The following PRRC2B variants were observed in gnomAD, a reference collection of about 807,000 sequenced individuals.
The protein encoded by PRRC2B is protein PRRC2B.
In PRRC2B, 68 loss-of-function variants were observed where a neutral mutation model predicts 242.3. That is an observed-to-expected ratio of 0.28 (90% CI 0.23 to 0.34). The LOEUF (loss-of-function observed/expected upper bound fraction) is 0.34. Ranked by LOEUF, PRRC2B falls within the 10% of genes least tolerant of loss-of-function variation. The probability of loss-of-function intolerance (pLI) is 1.00; values close to 1 mark genes in which losing one functional copy is unlikely to be tolerated. For missense variants in PRRC2B, 2,835 were observed against 2,954.8 expected (o/e 0.96, Z 0.94); for synonymous variants, 1,228 against 1,173.6 (o/e 1.05, Z -0.95).
chr9:131,447,819 A>G lies in PRRC2B; in HGVS notation c.1120+15A>G. ...TGGCTGGGCAGGTGGGCAGAGAAGC[A>G]CGGGTGGTTTAGACGGGCAGGACCA... On this transcript the variant is annotated intron_variant, in intron 9 of 31. Coordinates refer to ENST00000683519, the MANE Select transcript of PRRC2B (RefSeq NM_013318.4). The G allele has an allele frequency of 6.2e-7, 1 of 1,607,520 alleles. No homozygotes were observed. Among genetic ancestry groups the G allele is most frequent in the Non-Finnish European group, 8.5e-7 (1 of 1,175,748 alleles).
chr9:131,411,825 C>CT (rs1588240346), intron 1 of PRRC2B, among the ~76,000 whole-genome samples: 1 of 151,150 alleles, frequency 6.6e-6, no homozygotes, highest in African/African-American at 2.4e-5. Context: ...TTTTTCTTTT[C>CT]TTTTTTCAGA....
At chr9:131,405,580 A>G (rs943875376) in intron 1 of PRRC2B, among the ~76,000 whole-genome samples, 1 of 152,102 alleles carries the variant, frequency 6.6e-6, no homozygotes, top group African/African-American at 2.4e-5. Flanking sequence ...TTCTTCCAGG[A>G]GATCACACCA....
chr9:131,494,642 G>A lies in PRRC2B; in HGVS notation c.6555+156G>A, dbSNP rs376219463. Among the ~76,000 whole-genome samples the A allele has an allele frequency of 1.1e-4, 17 of 152,228 alleles. No individual in the cohort carries two copies. The highest frequency in any genetic ancestry group is 5.8e-4 in the East Asian group (3 of 5,194). The stretch of plus-strand genomic sequence containing the variant: ...CACAGAACCGGGAGCTGGGCCGCCC[G>A]CGTCCCTCCTGGCGAAGGCATTTCT... On this transcript the variant is annotated intron_variant, in intron 31 of 31. Transcript: ENST00000683519. The surrounding 1 kb of genome is among the most constrained non-coding windows in gnomAD (Gnocchi z 4.3).
At chr9:131,467,394 C>T (rs987666716) in intron 12 of PRRC2B, among the ~76,000 whole-genome samples, 169 bp from the exon 13 acceptor site, 4 of 152,118 alleles carry the variant, frequency 2.6e-5, no homozygotes, top group African/African-American at 9.7e-5. Context: ...GTGGGGAGTC[C>T]CTGAGCTTGT....
upstream of PRRC2B, among the ~76,000 whole-genome samples, chr9:131,392,328 A>T (rs1314873739): frequency 6.6e-6 from 1 of 150,880 alleles, no homozygotes; most frequent in African/African-American, 2.4e-5. Context: ...TGAACTCCTG[A>T]CCGCATGATC....
chr9:131,476,320 C>A lies in PRRC2B; in HGVS notation c.4191C>A (p.Pro1397=). The A allele has an allele frequency of 6.3e-7, 1 of 1,580,180 alleles. No individual in the cohort carries two copies. Among genetic ancestry groups the A allele is most frequent in the Non-Finnish European group, 8.6e-7 (1 of 1,163,530 alleles). The change falls in exon 16 of 32, where the codon CCC becomes CCA. Residue 1397 remains proline, a synonymous_variant. Coordinates refer to ENST00000683519, the MANE Select transcript of PRRC2B (RefSeq NM_013318.4). ...GGCGGGAAGGCCCTGGGTCCGAGCC[C>A]GACTCCCAGGTGGATGGTGGCCTGT... ...RERREGPGSE[P]DSQVDGGLSG...
At chr9:131,420,551 G>A (rs994055202) in intron 1 of PRRC2B, among the ~76,000 whole-genome samples, 1 of 128,374 alleles carries the variant, frequency 7.8e-6, no homozygotes, top group African/African-American at 2.9e-5. Context: ...GGAGTGCAGT[G>A]CATGATCTCG....
intron 5 of PRRC2B, among the ~76,000 whole-genome samples, chr9:131,440,376 T>C (rs1049155023): frequency 6.6e-6 from 1 of 152,152 alleles, no homozygotes; most frequent in Non-Finnish European, 1.5e-5. Flanking sequence ...AGTGGCACAA[T>C]AGCTCACTGC....
intron 1 of PRRC2B, among the ~76,000 whole-genome samples, chr9:131,398,939 C>G (rs535867073): frequency 7.2e-5 from 11 of 152,200 alleles, no homozygotes; most frequent in African/African-American, 9.6e-5. Flanking sequence ...GATCATGCCA[C>G]TGCACTCTAG....
In PRRC2B at chr9:131,494,540, A is replaced by T; in HGVS notation, c.6555+54A>T. On this transcript the variant is annotated intron_variant, in intron 31 of 31. Coordinates refer to ENST00000683519, the MANE Select transcript of PRRC2B (RefSeq NM_013318.4). This position sits in a 1 kb window ranked among gnomAD's most constrained non-coding sequence, Gnocchi z 4.3. ...CCCTGGACACTTAGGCCCGTCTCCA[A>T]GCGCCAAAAGAGAAGGGACTGTCCA... 1 of 987,772 alleles carries T rather than the reference A, an allele frequency of 1.0e-6. No individual in the cohort carries two copies. Among genetic ancestry groups the T allele is most frequent in the Non-Finnish European group, 1.6e-6 (1 of 644,622 alleles). The allele number at this position is 987,772 out of a possible 1,614,324, so 61.2% of individuals were successfully genotyped here. A position where few individuals can be genotyped will look rare whatever the true frequency, so the allele number is the denominator to read the frequency against.
In PRRC2B at chr9:131,479,711, C is replaced by T. The variant is rs545749388; in HGVS notation, c.4900+318C>T. Among the ~76,000 whole-genome samples, 333 of 152,248 alleles carry T rather than the reference C, an allele frequency of 2.2e-3. 3 individuals carry two copies. Among genetic ancestry groups the T allele is most frequent in the Non-Finnish European group, 3.4e-3 (231 of 68,012 alleles). ...AGTGGGAATGGCCTTCTTTGTTGGTCGTCGTTTTCTCCCACTAACTTATGG... is the reference window on the plus strand; with the variant it reads ...AGTGGGAATGGCCTTCTTTGTTGGTTGTCGTTTTCTCCCACTAACTTATGG... On this transcript the variant is annotated intron_variant, in intron 19 of 31. Transcript: ENST00000683519.
Position 131,492,367 on chromosome 9 carries a change from G to A in PRRC2B, c.6473+107G>A, listed in dbSNP as rs147338490. The A allele has an allele frequency of 5.5e-3, 4,576 of 829,712 alleles. 60 individuals carry two copies. The highest frequency in any genetic ancestry group is 0.038 in the African/African-American group (2,287 of 59,644). 51.4% of individuals were successfully genotyped at this position (829,712 alleles called of 1,614,324 possible). On this transcript the variant is annotated intron_variant, in intron 30 of 31. Coordinates refer to ENST00000683519, the MANE Select transcript of PRRC2B (RefSeq NM_013318.4). The stretch of plus-strand genomic sequence containing the variant: ...GCCCAGGGAGAGCCGCCAGAGACCT[G>A]GTCCCTCTATGGGCCATGTGTCACT...
chr9:131,454,639 C>CTT (rs61514427), intron 9 of PRRC2B, among the ~76,000 whole-genome samples: 2 of 143,060 alleles, frequency 1.4e-5, no homozygotes, highest in African/African-American at 2.5e-5. Flanking sequence ...TTTTCTTTTT[C>CTT]TTTTTTTTTT....
intron 9 of PRRC2B, 136 bp from the exon 10 acceptor site, chr9:131,454,940 T>C (rs1943029539): frequency 3.2e-6 from 2 of 633,896 alleles, no homozygotes; most frequent in African/African-American, 3.9e-5. Flanking sequence ...GTCAGTCTGG[T>C]CTCAAACTCC....
chr9:131,481,335 A>AAAAAG (rs1564299174), intron 19 of PRRC2B, among the ~76,000 whole-genome samples: 2 of 149,512 alleles, frequency 1.3e-5, no homozygotes, highest in African/African-American at 4.9e-5. Context: ...AAAAAAAAGA[A>AAAAAG]AGATATATTT....
intron 1 of PRRC2B, among the ~76,000 whole-genome samples, chr9:131,397,073 C>A (rs1837081068): frequency 6.6e-6 from 1 of 152,224 alleles, no homozygotes; most frequent in Non-Finnish European, 1.5e-5. Context: ...AGGGTCCTGT[C>A]ATCCTTTGAT....
At position 131,465,061 on chromosome 9, in the gene PRRC2B, G is replaced by C; in HGVS notation, c.1703G>C (p.Gly568Ala). 6.2e-7 allele frequency: 1 copy of C among 1,613,264 alleles called. No individual in the cohort carries two copies. The highest frequency in any genetic ancestry group is 8.5e-7 in the Non-Finnish European group (1 of 1,179,380). Reference sequence around the variant, plus strand: ...GAGAAGGCATCTCCCCAGGAAAACGGCCCTGCTGTCCACAAAGGTAAGAGC... The same window carrying C: ...GAGAAGGCATCTCCCCAGGAAAACGCCCCTGCTGTCCACAAAGGTAAGAGC... ...SAEKASPQEN[G>A]PAVHKGSPEF... The change falls in exon 12 of 32, where the codon GGC becomes GCC. Residue 568 changes from glycine to alanine, a missense_variant. Coordinates refer to ENST00000683519, the MANE Select transcript of PRRC2B (RefSeq NM_013318.4).
rs560905662 is a variant in PRRC2B, at chr9:131,487,841, G to C, written c.5985-15G>C. 1.8e-5 allele frequency: 28 copies of C among 1,599,134 alleles called. No homozygotes were observed. Among genetic ancestry groups the C allele is most frequent in the Non-Finnish European group, 2.1e-5 (25 of 1,168,078 alleles). On this transcript the variant is annotated splice_polypyrimidine_tract_variant and intron_variant, in intron 27 of 31. Coordinates refer to ENST00000683519, the MANE Select transcript of PRRC2B (RefSeq NM_013318.4). This position sits in a 1 kb window ranked among gnomAD's most constrained non-coding sequence, Gnocchi z 5.3. ...CTCATCCACCTGATCCCGACCATCT[G>C]TCTGGCTTTTGCAGATCTCAGGTGT...
chr9:131,394,935 C>T (rs1050501427), intron 1 of PRRC2B, among the ~76,000 whole-genome samples: 1 of 145,460 alleles, frequency 6.9e-6, no homozygotes, highest in African/African-American at 2.5e-5. Flanking sequence ...AACAGGATGT[C>T]GCCACTCGGG....
Sources: gnomAD v4.1 joint callset for allele counts (sites outside exome capture counted in the v4.1 genomes callset) on GRCh38, gnomAD v4.1.1 for gene constraint, Gnocchi (gnomAD v3.1) non-coding constraint, MANE v1.5 for transcripts, NCBI Gene and HGNC (gene_info 2026-07-23, HGNC 2026-07-21) for gene names.